Variants in TANC1 observed in about 807,000 individuals in gnomAD.
TANC1 encodes protein TANC1.
TANC1 carries 77 observed loss-of-function variants against 149.7 expected under a neutral mutation model. The observed-to-expected ratio is 0.51, with a 90% CI of 0.43 to 0.62. TANC1 has a LOEUF of 0.62. TANC1 is among the 20% of genes least tolerant of loss of function. The pLI, the probability that TANC1 is intolerant of heterozygous loss-of-function variation, is 0.00. For missense variants in TANC1, 1,985 were observed against 2,321.8 expected (o/e 0.85, Z 2.98); for synonymous variants, 854 against 925.0 (o/e 0.92, Z 1.39).
chr2:159,185,921 G>A (rs1244993493), intron 15 of TANC1, 22 bp downstream of exon 15: 1 of 1,533,148 alleles, frequency 6.5e-7, no homozygotes, highest in Admixed American at 1.7e-5. Context: ...ACCAACTTGG[G>A]GAAGGGTTTC....
At chr2:159,071,677 A>G (rs1376557373) in intron 3 of TANC1, among the ~76,000 whole-genome samples, 3 of 152,218 alleles carry the variant, frequency 2.0e-5, no homozygotes, top group Non-Finnish European at 4.4e-5. Context: ...ACATGCCTCA[A>G]TACAAATGAT....
At chr2:159,064,542 T>C (rs1193995370) in intron 2 of TANC1, among the ~76,000 whole-genome samples, 1 of 152,206 alleles carries the variant, frequency 6.6e-6, no homozygotes, top group Non-Finnish European at 1.5e-5. Context: ...CCTGCTGGGC[T>C]GCTGCAGATT....
chr2:159,201,198 T>G (rs1345759915), intron 19 of TANC1, among the ~76,000 whole-genome samples: 6 of 152,184 alleles, frequency 3.9e-5, no homozygotes, highest in Non-Finnish European at 7.3e-5. Flanking sequence ...GCCTTCCTAC[T>G]TTCCAGGCCT....
rs777792552 is a variant in TANC1, at chr2:159,217,536, G to T, written c.3284G>T (p.Cys1095Phe). Residue 1095 changes from cysteine (C) to phenylalanine (F), a missense_variant, in exon 20 of 27, where the codon TGT becomes TTT. Transcript: ENST00000263635. The stretch of plus-strand genomic sequence containing the variant: ...GCAGGAAGAGGGAAGCTGGAGGTCT[G>T]TGAGCTGCTGCTGGGGCATGGAGCT... ...AAAGRGKLEV[C>F]ELLLGHGAAV... The T allele has an allele frequency of 6.2e-7, 1 of 1,614,250 alleles. No individual in the cohort carries two copies. Among genetic ancestry groups the T allele is most frequent in the Admixed American group, 1.7e-5 (1 of 60,034 alleles).
intron 1 of TANC1, among the ~76,000 whole-genome samples, chr2:158,971,178 C>T (rs2032823550): frequency 6.6e-6 from 1 of 152,196 alleles, no homozygotes; most frequent in Non-Finnish European, 1.5e-5. Flanking sequence ...GCAACGTTCT[C>T]TTCTGAGTTG....
At chr2:159,177,319 A>G (rs1263166799) in intron 13 of TANC1, among the ~76,000 whole-genome samples, 1 of 151,674 alleles carries the variant, frequency 6.6e-6, no homozygotes, top group African/African-American at 2.4e-5. Flanking sequence ...TTTCTCCTCC[A>G]TCTTCTTCCT....
chr2:159,098,051 A>T (rs557636131), intron 4 of TANC1, among the ~76,000 whole-genome samples: 10 of 151,940 alleles, frequency 6.6e-5, no homozygotes, highest in Non-Finnish European at 1.5e-4. Flanking sequence ...ATTTTTATAA[A>T]GATTAAAGAT....
chr2:159,103,895 T>C lies in TANC1; in HGVS notation c.259+6061T>C, dbSNP rs2046947379. ...TTGTTGGCTTGTGAGCTGTAAATAA[T>C]GTGAGTGTGTTCTGATTTCATAGAA... On this transcript the variant is annotated intron_variant, in intron 4 of 26. Coordinates refer to ENST00000263635, the MANE Select transcript of TANC1 (RefSeq NM_033394.3). 2.1e-5 allele frequency among the ~76,000 whole-genome samples: 2 copies of C among 96,508 alleles called. 1 individual carries two copies. The highest frequency in any genetic ancestry group is 2.2e-4 in the Admixed American group (2 of 9,132). The allele number at this position is 96,508 out of a possible 152,430, so 63.3% of individuals were successfully genotyped here.
At chr2:159,217,266 T>A (rs2059406175) in intron 19 of TANC1, among the ~76,000 whole-genome samples, 1 of 151,680 alleles carries the variant, frequency 6.6e-6, no homozygotes, top group South Asian at 2.1e-4. Flanking sequence ...CAAGAAAGAG[T>A]GTTCAAGGAA....
At chr2:159,111,264 G>T (rs896433142) in intron 4 of TANC1, among the ~76,000 whole-genome samples, 3 of 152,202 alleles carry the variant, frequency 2.0e-5, no homozygotes, top group Non-Finnish European at 4.4e-5. Context: ...GAGTATAAAT[G>T]CTGCAAGGTG....
intron 20 of TANC1, among the ~76,000 whole-genome samples, chr2:159,218,922 G>A (rs774590923): frequency 2.0e-5 from 3 of 152,078 alleles, no homozygotes; most frequent in Non-Finnish European, 2.9e-5. Context: ...ATTCTCCCAC[G>A]CCCCTGTGGC....
intron 3 of TANC1, among the ~76,000 whole-genome samples, chr2:159,068,308 A>G (rs1252962134): frequency 1.3e-5 from 2 of 152,228 alleles, no homozygotes; most frequent in Non-Finnish European, 2.9e-5. Flanking sequence ...AACTTAGGTA[A>G]TATCTCCTGC....
intron 2 of TANC1, among the ~76,000 whole-genome samples, chr2:159,034,852 G>A (rs988401984): frequency 4.6e-5 from 7 of 152,186 alleles, no homozygotes; most frequent in African/African-American, 1.4e-4. Context: ...TGACTTGAAC[G>A]TCCTCACGAA....
At chr2:158,972,788 G>A (rs2033089917) in intron 1 of TANC1, among the ~76,000 whole-genome samples, 1 of 152,210 alleles carries the variant, frequency 6.6e-6, no homozygotes, top group African/African-American at 2.4e-5. Flanking sequence ...TTCCATGAGT[G>A]AGAGAAGAGA....
At chr2:159,059,675 G>T (rs2042091051) in intron 2 of TANC1, among the ~76,000 whole-genome samples, 1 of 152,070 alleles carries the variant, frequency 6.6e-6, no homozygotes, top group Non-Finnish European at 1.5e-5. Flanking sequence ...TATTGGCAAG[G>T]TCTCTGTCAA....
chr2:159,120,891 G>T (rs189322129), intron 4 of TANC1, among the ~76,000 whole-genome samples: 7 of 152,002 alleles, frequency 4.6e-5, no homozygotes, highest in Non-Finnish European at 1.0e-4. Context: ...ATGAGCCACC[G>T]TGTCTGGCCT....
Position 159,224,315 on chromosome 2 carries a change from C to T in TANC1, c.3762C>T (p.Cys1254=). Residue 1254 remains cysteine, a synonymous_variant, in exon 23 of 27, where the codon TGC becomes TGT. Coordinates refer to ENST00000263635, the MANE Select transcript of TANC1 (RefSeq NM_033394.3). ...GMRPLDRAIG[C]RNTSVVVALL... is the part of the protein sequence containing the mutation. ...GGCCCTTGGACAGAGCCATCGGCTG[C>T]CGGAACACATCTGTAGTGGTGGCGC... 6.2e-7 allele frequency: 1 copy of T among 1,613,790 alleles called. No individual in the cohort carries two copies. The highest frequency in any genetic ancestry group is 1.1e-5 in the South Asian group (1 of 91,078).
At chr2:159,034,537 T>G (rs540455743) in intron 2 of TANC1, among the ~76,000 whole-genome samples, 1 of 152,280 alleles carries the variant, frequency 6.6e-6, no homozygotes, top group East Asian at 1.9e-4. Flanking sequence ...ACCTAGGAGA[T>G]TCTCATGGGC....
chr2:159,156,453 G>A (rs1240637610), intron 7 of TANC1, among the ~76,000 whole-genome samples: 1 of 152,198 alleles, frequency 6.6e-6, no homozygotes, highest in Non-Finnish European at 1.5e-5. Context: ...GGTGTAGCAA[G>A]CATTTATTGG....
Sources: allele counts gnomAD v4.1 joint callset (sites outside exome capture counted in the v4.1 genomes callset), GRCh38; gene constraint gnomAD v4.1.1; transcripts MANE v1.5; gene names NCBI Gene and HGNC (gene_info 2026-07-23, HGNC 2026-07-21).